Variants in ING1 observed in about 807,000 individuals in gnomAD.
ING1 encodes the protein inhibitor of growth protein 1.
ING1 carries 4 observed loss-of-function variants against 23.1 expected under a neutral mutation model. The observed-to-expected ratio is 0.17, with a 90% CI of 0.09 to 0.40. The LOEUF (loss-of-function observed/expected upper bound fraction) is 0.40, where lower values mean the gene tolerates loss of function less well. Among genes scored for constraint, ING1 ranks in the 10% least tolerant of loss-of-function variants. The pLI is 1.00. For synonymous variants in ING1, 179 were observed against 166.4 expected, an observed-to-expected ratio of 1.08 and a Z score of -0.58; for missense variants, 256 against 393.8, an observed-to-expected ratio of 0.65 and a Z score of 2.96.
chr13:110,713,112 T>C (rs1013467731), upstream of ING1: 3 of 1,435,810 alleles, frequency 2.1e-6, no homozygotes, highest in Admixed American at 2.8e-5. Flanking sequence ...TTTCTAGTAG[T>C]AAGAGTCCGG....
At position 110,719,160 on chromosome 13, in the gene ING1, C is replaced by T; in HGVS notation, c.137-69C>T. 6.7e-7 allele frequency: 1 copy of T among 1,503,692 alleles called. No homozygotes were observed. The highest frequency in any genetic ancestry group is 2.3e-5 in the East Asian group (1 of 44,106). 93.1% of individuals were successfully genotyped at this position (1,503,692 alleles called of 1,614,324 possible). Reference sequence around the variant, plus strand: ...GCTCCCTGCCAGCCCTCTCCGTAGACCCGTCCGGGGCCGTGTGGGTTGTCC... The same window carrying T: ...GCTCCCTGCCAGCCCTCTCCGTAGATCCGTCCGGGGCCGTGTGGGTTGTCC... On this transcript the variant is annotated intron_variant, in intron 1 of 1. Transcript: ENST00000333219. The surrounding 1 kb of genome is among the most constrained non-coding windows in gnomAD (Gnocchi z 8.9).
At chr13:110,715,362 C>G (rs1046579961) in intron 1 of ING1, 10 of 1,490,242 alleles carry the variant, frequency 6.7e-6, no homozygotes, top group African/African-American at 4.2e-5. Flanking sequence ...CTATCCGAGA[C>G]GTAGCTTCGC....
intron 1 of ING1, chr13:110,715,294 T>C (rs1462274986): frequency 2.2e-6 from 3 of 1,363,556 alleles, no homozygotes; most frequent in Admixed American, 3.2e-5. Flanking sequence ...AAAAAAAAAA[T>C]TGACCGCTAT....
chr13:110,713,289 T>C, upstream of ING1: 1 of 1,279,170 alleles, frequency 7.8e-7, no homozygotes, highest in Non-Finnish European at 9.9e-7. Context: ...CGAGTTGCGG[T>C]AGTTGCTGTG....
upstream of ING1, chr13:110,713,000 G>A (rs1351557429): frequency 6.5e-7 from 1 of 1,544,484 alleles, no homozygotes; most frequent in Non-Finnish European, 8.7e-7. Flanking sequence ...CGCACTCTGC[G>A]GCCGCAGCTC....
chr13:110,716,707 G>A (rs2064126757), intron 1 of ING1, among the ~76,000 whole-genome samples: 1 of 152,182 alleles, frequency 6.6e-6, no homozygotes, highest in Admixed American at 6.5e-5. Context: ...CAATTTAAAT[G>A]TTGCTACAAC....
chr13:110,712,642 G>C (rs757525528), upstream of ING1: 2 of 575,158 alleles, frequency 3.5e-6, no homozygotes, highest in Non-Finnish European at 3.3e-6. Flanking sequence ...GGGGCGACGC[G>C]GGGGAGGGCG....
chr13:110,719,460 C>G lies in ING1; in HGVS notation c.368C>G (p.Ala123Gly), dbSNP rs757577374. 1.2e-5 allele frequency: 19 copies of G among 1,612,462 alleles called. No homozygotes were observed. Among genetic ancestry groups the G allele is most frequent in the Non-Finnish European group, 1.4e-5 (16 of 1,179,560 alleles). The part of the protein sequence containing the change: ...FEAQQELGDT[A>G]GNSGKAGADR... ...GCGCAGCAGGAGCTGGGCGACACAG[C>G]GGGCAACAGCGGCAAGGCTGGCGCG... Residue 123 changes from alanine to glycine, a missense_variant, in exon 2 of 2, where the codon GCG becomes GGG. By Grantham distance (60) the Ala-to-Gly change is moderately conservative. Coordinates refer to ENST00000333219, the MANE Select transcript of ING1 (RefSeq NM_198219.3). This position sits in a 1 kb window ranked among gnomAD's most constrained non-coding sequence, Gnocchi z 8.9.
intron 1 of ING1, chr13:110,715,380 T>A: frequency 6.7e-7 from 1 of 1,497,096 alleles, no homozygotes; most frequent in Non-Finnish European, 8.9e-7. Context: ...CGCAGCGAAT[T>A]TTATAGGAAC....
rs200845497 is a variant in ING1 at position 110,715,724 on chromosome 13, C to T, written c.136+1439C>T. The T allele has an allele frequency of 5.0e-5, 80 of 1,588,072 alleles. No homozygotes were observed. The East Asian group carries it at 7.5e-4, about 15-fold the overall frequency. On this transcript the variant is annotated intron_variant, in intron 1 of 1. Transcript: ENST00000333219. ...TCCTCCTGGCCTCCGCCCTCCAAAT[C>T]GGCGATTCCCATAGGCGGCGGCTCT...
rs774262477 is a variant in ING1 at position 110,722,444 on chromosome 13, TGAA to T, written c.*2515_*2517del. 10 of 152,262 alleles carry T rather than the reference TGAA, an allele frequency of 6.6e-5. No homozygotes were observed. The highest frequency in any genetic ancestry group is 1.0e-4 in the Non-Finnish European group (7 of 68,042). The allele number at this position is 152,262 out of a possible 1,614,324, so 9.4% of individuals were successfully genotyped here. On this transcript the variant is annotated 3_prime_UTR_variant, in exon 2 of 2. Transcript: ENST00000333219. ...AATAATGCAAATTAAGTTATAGAAATGAAGATTCAATGAAATGCAGTTGCTCAT... is the reference window on the plus strand; with the variant it reads ...AATAATGCAAATTAAGTTATAGAAATGATTCAATGAAATGCAGTTGCTCAT...
upstream of ING1, chr13:110,712,993 A>G (rs960595345): frequency 5.2e-6 from 8 of 1,547,546 alleles, no homozygotes; most frequent in African/African-American, 5.5e-5. Flanking sequence ...TCTCCCGCGC[A>G]CTCTGCGGCC....
chr13:110,716,026 C>A, intron 1 of ING1: 2 of 1,485,598 alleles, frequency 1.3e-6, no homozygotes, highest in Non-Finnish European at 1.8e-6. Context: ...ACTGGGGCTG[C>A]GTCCACGAGG....
chr13:110,716,299 C>G (rs1056357332), intron 1 of ING1, among the ~76,000 whole-genome samples: 3 of 152,148 alleles, frequency 2.0e-5, no homozygotes, highest in African/African-American at 7.2e-5. Flanking sequence ...GGGTGATGAA[C>G]TTTTTGGCTT....
chr13:110,715,438 G>A, intron 1 of ING1: 2 of 1,577,884 alleles, frequency 1.3e-6, no homozygotes, highest in Non-Finnish European at 1.7e-6. Flanking sequence ...CCAGTAGTTG[G>A]CTGTGATGTC....
chr13:110,716,872 T>G (rs2064128380), intron 1 of ING1, among the ~76,000 whole-genome samples: 1 of 152,238 alleles, frequency 6.6e-6, no homozygotes, highest in African/African-American at 2.4e-5. Flanking sequence ...GCAGTGGTGT[T>G]GTTCCTGTTT....
chr13:110,716,068 G>T (rs1043690968), intron 1 of ING1: 1 of 1,465,416 alleles, frequency 6.8e-7, no homozygotes, highest in Non-Finnish European at 9.0e-7. Flanking sequence ...TTTCTGGAAG[G>T]TGCTGTCCTC....
Position 110,723,064 on chromosome 13 carries a change from G to A in ING1, c.*3132G>A, listed in dbSNP as rs2064181382. ...ACAGTTCAGATAAAGGGTCCAAAGT[G>A]TTTTCGTTATGATATAATACTTTCT... is the stretch of plus-strand genomic sequence containing the variant. On this transcript the variant is annotated 3_prime_UTR_variant, in exon 2 of 2. Transcript: ENST00000333219. The A allele has an allele frequency of 6.6e-6, 1 of 152,198 alleles. No homozygotes were observed. The highest frequency in any genetic ancestry group is 2.4e-5 in the African/African-American group (1 of 41,452). The allele number at this position is 152,198 out of a possible 1,614,324, so 9.4% of individuals were successfully genotyped here.
chr13:110,714,355 C>T (rs1954768248), intron 1 of ING1, 70 bp downstream of exon 1: 6 of 1,330,610 alleles, frequency 4.5e-6, no homozygotes, highest in Non-Finnish European at 5.8e-6. Context: ...GCCGCGGAGC[C>T]GGGCCGGTCC....
Sources: gnomAD v4.1 joint callset for allele counts (sites outside exome capture counted in the v4.1 genomes callset) on GRCh38, gnomAD v4.1.1 for gene constraint, Gnocchi (gnomAD v3.1) non-coding constraint, MANE v1.5 for transcripts, NCBI Gene and HGNC (gene_info 2026-07-23, HGNC 2026-07-21) for gene names.